ABCB4: variants seen among roughly 807,000 people sequenced by gnomAD.
The protein encoded by ABCB4 is phosphatidylcholine translocator ABCB4.
Under a neutral mutation model 145.7 loss-of-function variants are expected in ABCB4, and 76 were observed. The observed-to-expected ratio is 0.52, with a 90% CI of 0.43 to 0.63. The LOEUF is 0.63. Among genes scored for constraint, ABCB4 ranks in the 30% least tolerant of loss-of-function variants. The pLI is 0.00. For synonymous variants in ABCB4, 517 were observed against 566.8 expected (o/e 0.91, Z 1.25); for missense variants, 1,234 against 1,553.1 (o/e 0.79, Z 3.45).
intron 17 of ABCB4, 97 bp downstream of exon 17, chr7:87,423,809 G>A: frequency 2.7e-6 from 4 of 1,502,634 alleles, no homozygotes; most frequent in Non-Finnish European, 3.7e-6. Context: ...ATTTAAGGCT[G>A]CTTAATCCCA....
the ABCB4 span, chr7:87,391,614 A>G: frequency 6.2e-7 from 1 of 1,603,028 alleles, no homozygotes; most frequent in Non-Finnish European, 8.5e-7. Context: ...TGAAACAGCT[A>G]TGACAAGACA....
In ABCB4 at chr7:87,451,362, C is replaced by G. The variant is rs577188254; in HGVS notation, c.708+261G>C. On this transcript the variant is annotated intron_variant, in intron 7 of 27. Coordinates refer to ENST00000649586, the MANE Select transcript of ABCB4 (RefSeq NM_000443.4). ...TGTTGTCCAGGCTGGTCTGGAACTC[C>G]TGACCTCAAGTGATTTATGTACCTT... is the stretch of plus-strand genomic sequence containing the variant. Among the ~76,000 whole-genome samples the G allele has an allele frequency of 1.5e-4, 23 of 152,224 alleles. No individual in the cohort carries two copies. In the South Asian group the frequency reaches 4.6e-3, roughly 30 times the overall value.
chr7:87,443,201 T>G, intron 12 of ABCB4, 118 bp downstream of exon 12: 1 of 1,362,660 alleles, frequency 7.3e-7, no homozygotes, highest in Non-Finnish European at 1.0e-6. Context: ...GCATTGCCAT[T>G]TTGTAGGCTT....
intron 8 of ABCB4, among the ~76,000 whole-genome samples, chr7:87,448,921 A>G (rs535756502): frequency 1.2e-4 from 19 of 152,182 alleles, no homozygotes; most frequent in Admixed American, 2.6e-4. Context: ...GCCAAAGAAA[A>G]TACTTTATAT....
chr7:87,388,463 A>G, the ABCB4 span, among the ~76,000 whole-genome samples: 1 of 152,184 alleles, frequency 6.6e-6, no homozygotes. Flanking sequence ...GGCCTTAGAA[A>G]TAACACCACA....
the ABCB4 span, among the ~76,000 whole-genome samples, chr7:87,374,140 T>A: frequency 1.3e-5 from 2 of 152,102 alleles, no homozygotes; most frequent in African/African-American, 2.4e-5. Context: ...AATGCAGATA[T>A]TTTTAATACA....
chr7:87,424,143 G>C (rs555842596), intron 16 of ABCB4, 91 bp from the exon 17 acceptor site: 1 of 1,525,494 alleles, frequency 6.6e-7, no homozygotes, highest in African/African-American at 1.4e-5. Context: ...TTGCCCTCAA[G>C]GGACTCGCAA....
chr7:87,447,643 A>G (rs1362844199), intron 8 of ABCB4, among the ~76,000 whole-genome samples: 3 of 152,216 alleles, frequency 2.0e-5, no homozygotes, highest in Non-Finnish European at 2.9e-5. Flanking sequence ...TTCTCTGGAG[A>G]AAAGAAAATC....
chr7:87,401,518 T>C (rs574986066), downstream of ABCB4, among the ~76,000 whole-genome samples: 2 of 152,136 alleles, frequency 1.3e-5, no homozygotes, highest in South Asian at 2.1e-4. Flanking sequence ...TTTAAAACTT[T>C]AAAAAAATAC....
At chr7:87,389,099 C>T in the ABCB4 span, among the ~76,000 whole-genome samples, 3 of 152,064 alleles carry the variant, frequency 2.0e-5, no homozygotes, top group Admixed American at 6.5e-5. Flanking sequence ...GTTAGAATGG[C>T]GATCATTAAA....
At chr7:87,371,772 C>T in the ABCB4 span, among the ~76,000 whole-genome samples, 1 of 152,018 alleles carries the variant, frequency 6.6e-6, no homozygotes, top group Non-Finnish European at 1.5e-5. Flanking sequence ...TGGAGGATCA[C>T]TTAAGGCCAA....
In ABCB4 at chr7:87,430,719, G is replaced by A. The variant is rs45564635; in HGVS notation, c.1893+685C>T. On this transcript the variant is annotated intron_variant, in intron 15 of 27. Transcript: ENST00000649586. ...TTTTGTATTTTTAGTAGAGATGGGG[G>A]TTTCACAATGTTGGCCAGGCTCGTC... 1.3e-3 allele frequency among the ~76,000 whole-genome samples: 193 copies of A among 152,162 alleles called. 1 individual carries two copies. Among genetic ancestry groups the A allele is most frequent in the African/African-American group, 4.3e-3 (177 of 41,510 alleles).
the ABCB4 span, among the ~76,000 whole-genome samples, chr7:87,396,317 C>T: frequency 6.6e-6 from 1 of 152,160 alleles, no homozygotes; most frequent in South Asian, 2.1e-4. Flanking sequence ...GAGGAATTAA[C>T]AGAAGGTGAC....
At chr7:87,395,729 A>G in the ABCB4 span, among the ~76,000 whole-genome samples, 3 of 152,124 alleles carry the variant, frequency 2.0e-5, no homozygotes, top group African/African-American at 7.2e-5. Context: ...TTGATTTTGG[A>G]CAGTGACCCT....
chr7:87,445,903 G>T (rs1271493027), intron 9 of ABCB4, among the ~76,000 whole-genome samples: 1 of 152,190 alleles, frequency 6.6e-6, no homozygotes, highest in African/African-American at 2.4e-5. Context: ...AGCCCTACCG[G>T]ATAGGTGTCA....
chr7:87,368,400 G>T, the ABCB4 span, among the ~76,000 whole-genome samples: 1 of 152,100 alleles, frequency 6.6e-6, no homozygotes, highest in African/African-American at 2.4e-5. Flanking sequence ...AGTGGTGGTC[G>T]TAGAGGTAAA....
In ABCB4 at chr7:87,447,654, G is replaced by A. The variant is rs181876402; in HGVS notation, c.834-449C>T. Among the ~76,000 whole-genome samples, 450 of 152,228 alleles carry A rather than the reference G, an allele frequency of 3.0e-3. 5 individuals carry two copies. The highest frequency in any genetic ancestry group is 0.01 in the African/African-American group (425 of 41,546). On this transcript the variant is annotated intron_variant, in intron 8 of 27. Transcript: ENST00000649586. ...TCTCTTCTCTGGAGAAAAGAAAATC[G>A]TCCCTCTATTGTCCACTGGGTGAGG...
At chr7:87,462,660 A>G in intron 4 of ABCB4, 98 bp downstream of exon 4, 1 of 1,153,484 alleles carries the variant, frequency 8.7e-7, no homozygotes, top group South Asian at 1.3e-5. Flanking sequence ...TATCCAAATC[A>G]TTAAATAAGA....
rs1003630964 is a variant in ABCB4 at position 87,406,319 on chromosome 7, T to C, written c.3455A>G (p.Asn1152Ser). Reference sequence around the variant, plus strand: ...TAACGTCTCGATGAAAGGATGTATGTTGGCAGCTTTGGCTGCACTCACAAT... The same window carrying C: ...TAACGTCTCGATGAAAGGATGTATGCTGGCAGCTTTGGCTGCACTCACAAT... The part of the protein sequence containing the change: ...DEIVSAAKAA[N>S]IHPFIETLPH... Residue 1152 changes from asparagine to serine, a missense_variant, in exon 26 of 28, where the codon AAC becomes AGC. By Grantham distance (46) the Asn-to-Ser change is conservative. Coordinates refer to ENST00000649586, the MANE Select transcript of ABCB4 (RefSeq NM_000443.4). 3 of 1,614,184 alleles carry C rather than the reference T, an allele frequency of 1.9e-6. No homozygotes were observed. The highest frequency in any genetic ancestry group is 1.7e-6 in the Non-Finnish European group (2 of 1,180,016).
Sources: gnomAD v4.1 joint callset for allele counts (sites outside exome capture counted in the v4.1 genomes callset) on GRCh38, gnomAD v4.1.1 for gene constraint, MANE v1.5 for transcripts, NCBI Gene and HGNC (gene_info 2026-07-23, HGNC 2026-07-21) for gene names.